EIF2D: variants seen among roughly 807,000 people sequenced by gnomAD.
EIF2D encodes the protein eukaryotic translation initiation factor 2D.
Under a neutral mutation model 77.4 loss-of-function variants are expected in EIF2D, and 56 were observed. That is an observed-to-expected ratio of 0.72 (90% confidence interval 0.58 to 0.90). EIF2D has a LOEUF of 0.90. Among genes scored for constraint, EIF2D ranks in the 40% least tolerant of loss-of-function variants. EIF2D has a pLI of 0.00. For missense variants in EIF2D, 574 were observed against 706.5 expected (o/e 0.81, Z 2.13); for synonymous variants, 230 against 271.0 (o/e 0.85, Z 1.49).
chr1:206,600,633 C>T (rs1043461464), intron 7 of EIF2D: 9 of 237,888 alleles, frequency 3.8e-5, no homozygotes, highest in African/African-American at 1.6e-4. Context: ...ATTTTATTTA[C>T]TTTAAATTAA....
At chr1:206,604,136 A>C (rs6701984) in intron 5 of EIF2D, among the ~76,000 whole-genome samples, 71,669 of 151,970 alleles carry the variant, frequency 0.47, 17,070 homozygotes, top group African/African-American at 0.55. Flanking sequence ...AGGACTTGGC[A>C]AGTACTTGTA....
At chr1:206,596,123 A>T (rs1376949637) in intron 12 of EIF2D, among the ~76,000 whole-genome samples, 1 of 152,218 alleles carries the variant, frequency 6.6e-6, no homozygotes, top group African/African-American at 2.4e-5. Context: ...GAAACGGTCC[A>T]CTGACCTGGC....
chr1:206,580,419 G>A (rs991756142), intron 4 of EIF2D, among the ~76,000 whole-genome samples: 6 of 152,144 alleles, frequency 3.9e-5, no homozygotes, highest in African/African-American at 7.2e-5. Flanking sequence ...GCCTACATGC[G>A]TCAGAGACAG....
intron 4 of EIF2D, among the ~76,000 whole-genome samples, chr1:206,577,017 C>T (rs192215141): frequency 1.3e-5 from 2 of 150,282 alleles, no homozygotes; most frequent in Admixed American, 6.6e-5. Context: ...CACTATGTTG[C>T]CCAGACTGGT....
chr1:206,593,508 A>AGAGAGAGTGTGT (rs10533643), intron 14 of EIF2D, 111 bp downstream of exon 14: 2 of 401,514 alleles, frequency 5.0e-6, no homozygotes, highest in African/African-American at 2.3e-5. Context: ...AGAGAGAGAG[A>AGAGAGAGTGTGT]GTGTGTGTGT....
chr1:206,608,213 G>T, intron 4 of EIF2D, 23 bp downstream of exon 4: 1 of 1,601,464 alleles, frequency 6.2e-7, no homozygotes, highest in Non-Finnish European at 8.5e-7. Flanking sequence ...TTCCCCCAAA[G>T]GCACAGTTGC....
At position 206,584,759 on chromosome 1, in the gene EIF2D, C is replaced by T. The variant is rs782283960; in HGVS notation, c.139-3597G>A. ...CAAGCCCACCCACTAAAACTCCTGC[C>T]GGCCTTGGGTGGGAGCTGTGGGCTT... On this transcript the variant is annotated intron_variant and NMD_transcript_variant, in intron 2 of 5. Coordinates refer to the EIF2D transcript ENST00000472709. The surrounding 1 kb of genome is among the most constrained non-coding windows in gnomAD (Gnocchi z 4.9). The T allele has an allele frequency of 1.6e-5, 25 of 1,525,602 alleles. No individual in the cohort carries two copies. Among genetic ancestry groups the T allele is most frequent in the Admixed American group, 7.4e-5 (4 of 54,272 alleles). 94.5% of individuals were successfully genotyped at this position (1,525,602 alleles called of 1,614,324 possible). A position where few individuals can be genotyped will look rare whatever the true frequency, so the allele number is the denominator to read the frequency against.
chr1:206,589,711 T>C (rs1429342790), downstream of EIF2D, among the ~76,000 whole-genome samples: 1 of 152,206 alleles, frequency 6.6e-6, no homozygotes, highest in East Asian at 1.9e-4. Flanking sequence ...GGGGGCTAGA[T>C]CAAATGACCA....
intron 12 of EIF2D, among the ~76,000 whole-genome samples, chr1:206,596,195 A>G (rs1038734133): frequency 6.6e-6 from 1 of 152,190 alleles, no homozygotes; most frequent in Non-Finnish European, 1.5e-5. Flanking sequence ...AATGTGCCTT[A>G]AGTGGCCCAT....
chr1:206,584,970 G>A lies in EIF2D; in HGVS notation c.139-3808C>T, dbSNP rs182181409. ...CATTCCTAATCTTTCAGGAGATGAT[G>A]TGAATGGAATCATGCTTTAAACTCT... On this transcript the variant is annotated intron_variant and NMD_transcript_variant, in intron 2 of 5. Transcript: ENST00000472709. This position sits in a 1 kb window ranked among gnomAD's most constrained non-coding sequence, Gnocchi z 4.9. The A allele has an allele frequency of 4.0e-5, 24 of 607,326 alleles. No homozygotes were observed. Among genetic ancestry groups the A allele is most frequent in the Non-Finnish European group, 6.7e-5 (23 of 342,610 alleles). The allele number at this position is 607,326 out of a possible 1,614,324, so 37.6% of individuals were successfully genotyped here. A position where few individuals can be genotyped will look rare whatever the true frequency, so the allele number is the denominator to read the frequency against.
At chr1:206,603,421 G>A (rs966855498) in intron 5 of EIF2D, 2 of 543,160 alleles carry the variant, frequency 3.7e-6, no homozygotes, top group Non-Finnish European at 3.2e-6. Context: ...GAAATGGGGA[G>A]AATAAATCTT....
chr1:206,579,085 C>T lies in EIF2D; in HGVS notation c.*254+1607G>A, dbSNP rs1273177116. 1.3e-5 allele frequency among the ~76,000 whole-genome samples: 2 copies of T among 152,146 alleles called. No individual in the cohort carries two copies. The highest frequency in any genetic ancestry group is 2.9e-5 in the Non-Finnish European group (2 of 68,034). ...CCAGCCTCTTTACATGGCTGTTCCC[C>T]AATCACCTCCAGAGCTAAAAGAAGA... On this transcript the variant is annotated intron_variant and NMD_transcript_variant, in intron 4 of 5. Transcript: ENST00000472709. This position sits in a 1 kb window ranked among gnomAD's most constrained non-coding sequence, Gnocchi z 4.2.
exon 3 of EIF2D, chr1:206,581,065 G>A (rs954229406): frequency 1.3e-5 from 2 of 152,340 alleles, no homozygotes; most frequent in East Asian, 1.9e-4. Flanking sequence ...ATTGAGAAGA[G>A]CATGGGCCTT....
In EIF2D at chr1:206,608,166, T is replaced by C. The variant is rs1008107875; in HGVS notation, c.422+70A>G. ...CTCTTTTGTTCATATGCTTTATAAG[T>C]TGTCATTCCCCTCCAACTTCTCTTT... On this transcript the variant is annotated intron_variant, in intron 4 of 14. Coordinates refer to ENST00000271764, the MANE Select transcript of EIF2D (RefSeq NM_006893.3). 30 of 1,450,496 alleles carry C rather than the reference T, an allele frequency of 2.1e-5. No homozygotes were observed. In the African/African-American group the frequency reaches 3.2e-4, roughly 16 times the overall value. 89.9% of individuals were successfully genotyped at this position (1,450,496 alleles called of 1,614,324 possible).
chr1:206,602,354 C>T lies in EIF2D; in HGVS notation c.884G>A (p.Ser295Asn), dbSNP rs1669966639. 1.2e-6 allele frequency: 2 copies of T among 1,614,208 alleles called. No homozygotes were observed. Among genetic ancestry groups the T allele is most frequent in the Non-Finnish European group, 1.7e-6 (2 of 1,180,014 alleles). The part of the protein sequence containing the change: ...LPLLTSTFLG[S>N]HMFSCCPEGR... ...TCCATACCAGCAGGAGAACATGTGGCTGCCAAGGAAAGTGCTGGTGAGTAA... is the reference window on the plus strand; with the variant it reads ...TCCATACCAGCAGGAGAACATGTGGTTGCCAAGGAAAGTGCTGGTGAGTAA... Residue 295 changes from serine to asparagine, a missense_variant, in exon 7 of 15, where the codon AGC becomes AAC. Transcript: ENST00000271764.
chr1:206,593,506 A>AGTGTGTGTGTGCGTGTGTGTGT lies in EIF2D; in HGVS notation c.1684+112_1684+113insACACACACACGCACACACACAC, dbSNP rs1286437460. On this transcript the variant is annotated intron_variant, in intron 14 of 14. Coordinates refer to ENST00000271764, the MANE Select transcript of EIF2D (RefSeq NM_006893.3). ...GAGAGAGCGAGAGAGAGAGAGAGAG[A>AGTGTGTGTGTGCGTGTGTGTGT]GAGTGTGTGTGTGTGTGTGTGTGTG... 2,302 of 442,200 alleles carry AGTGTGTGTGTGCGTGTGTGTGT rather than the reference A, an allele frequency of 5.2e-3. 39 individuals carry two copies. The highest frequency in any genetic ancestry group is 5.6e-3 in the Middle Eastern group (9 of 1,620). The allele number at this position is 442,200 out of a possible 1,614,324, so 27.4% of individuals were successfully genotyped here.
At chr1:206,602,852 GGAAGCTTAA>G in intron 6 of EIF2D, 90 bp downstream of exon 6, 1 of 1,500,118 alleles carries the variant, frequency 6.7e-7, no homozygotes, top group Non-Finnish European at 8.9e-7. Context: ...CTCCTCCCCC[GGAAGCTTAA>G]GGGCCATTCT....
At chr1:206,602,568 T>C (rs1227803794) in intron 6 of EIF2D, 115 bp from the exon 7 acceptor site, 5 of 900,334 alleles carry the variant, frequency 5.6e-6, no homozygotes, top group Non-Finnish European at 7.1e-6. Flanking sequence ...AAGGAACCCA[T>C]TCCCAGGTAC....
downstream of EIF2D, among the ~76,000 whole-genome samples, chr1:206,569,632 C>CT (rs2103550187): frequency 6.6e-6 from 1 of 152,316 alleles, no homozygotes; most frequent in East Asian, 1.9e-4. Context: ...TATATTTTAT[C>CT]TTTTTCATTC....
Sources: gnomAD v4.1 joint callset for allele counts (sites outside exome capture counted in the v4.1 genomes callset) on GRCh38, gnomAD v4.1.1 for gene constraint, Gnocchi (gnomAD v3.1) non-coding constraint, MANE v1.5 for transcripts, NCBI Gene and HGNC (gene_info 2026-07-23, HGNC 2026-07-21) for gene names.